The following DOCK9 variants were observed in gnomAD, a reference collection of about 807,000 sequenced individuals.
DOCK9 encodes dedicator of cytokinesis 9.
Under a neutral mutation model 263.3 loss-of-function variants are expected in DOCK9, and 89 were observed. That is an observed-to-expected ratio of 0.34 (90% CI 0.28 to 0.40). The LOEUF (loss-of-function observed/expected upper bound fraction) is 0.40. DOCK9 is among the 10% of genes least tolerant of loss of function. The pLI is 1.00. For missense variants in DOCK9, 2,140 were observed against 2,603.4 expected (o/e 0.82, Z 3.87); for synonymous variants, 976 against 973.1 (o/e 1.00, Z -0.06).
intron 1 of DOCK9, among the ~76,000 whole-genome samples, chr13:99,069,679 A>G (rs1381755336): frequency 6.6e-6 from 1 of 152,238 alleles, no homozygotes; most frequent in East Asian, 1.9e-4. Context: ...ATGACCACCA[A>G]AGATGACTTT....
At chr13:98,982,178 T>G (rs1461269062), upstream of DOCK9, among the ~76,000 whole-genome samples, 2 of 152,190 alleles carry the variant, frequency 1.3e-5, no homozygotes. Context: ...GTACACAAAT[T>G]TATTATACAG....
At chr13:99,088,295 G>A (rs2042392514), upstream of DOCK9, 1 of 152,238 alleles carries the variant, frequency 6.6e-6, no homozygotes, top group Admixed American at 6.5e-5. Flanking sequence ...GACCTCTTCT[G>A]TCCTAAGAGT....
chr13:98,815,839 C>T (rs1204527119), intron 45 of DOCK9, among the ~76,000 whole-genome samples: 1 of 152,136 alleles, frequency 6.6e-6, no homozygotes, highest in Non-Finnish European at 1.5e-5. Flanking sequence ...CCATGGTCCA[C>T]ACAGTAGATG....
rs528892324 is a variant in DOCK9, at chr13:98,797,287, G to A, written c.6018-34C>T. 37 of 1,613,108 alleles carry A rather than the reference G, an allele frequency of 2.3e-5. No individual in the cohort carries two copies. The South Asian group carries it at 2.3e-4, about 10-fold the overall frequency. On this transcript the variant is annotated intron_variant, in intron 51 of 52. Transcript: ENST00000682017. ...GTACAGGCGGGAGAAACAAAGGCACGCAGAGGATAAGGCATGAGTCCAACC... is the reference window on the plus strand; with the variant it reads ...GTACAGGCGGGAGAAACAAAGGCACACAGAGGATAAGGCATGAGTCCAACC...
At chr13:98,869,640 T>G (rs2094137545) in intron 27 of DOCK9, among the ~76,000 whole-genome samples, 1 of 152,246 alleles carries the variant, frequency 6.6e-6, no homozygotes. Context: ...CACTAAAAAG[T>G]ACTAACTGAC....
At position 98,888,211 on chromosome 13, in the gene DOCK9, C is replaced by T; in HGVS notation, c.1990G>A (p.Ala664Thr). 6.2e-7 allele frequency: 1 copy of T among 1,610,478 alleles called. No individual in the cohort carries two copies. The highest frequency in any genetic ancestry group is 1.7e-4 in the Middle Eastern group (1 of 6,056). ...GAATCTTTGAATTCAATGCAAATCG[C>T]AATATTTCTAGCCTGCAGCAATAAA... ...QKSFAKARNI[A>T]ICIEFKDSDE... Residue 664 changes from alanine to threonine, a missense_variant, in exon 18 of 53, where the codon GCG (alanine) becomes ACG (threonine). Around this residue, in one of 2 missense-constraint regions of DOCK9, gnomAD observed 1,521 missense variants for 1,741.7 expected, o/e 0.87. Transcript: ENST00000682017.
At chr13:98,833,667 T>C (rs1357852978) in intron 39 of DOCK9, among the ~76,000 whole-genome samples, 1 of 152,184 alleles carries the variant, frequency 6.6e-6, no homozygotes, top group Non-Finnish European at 1.5e-5. Flanking sequence ...ACCTCAAATA[T>C]ATACAATAAA....
chr13:99,053,870 A>C (rs568699509), intron 1 of DOCK9, among the ~76,000 whole-genome samples: 1 of 152,308 alleles, frequency 6.6e-6, no homozygotes, highest in African/African-American at 2.4e-5. Context: ...CCTACTCCCA[A>C]GAAAACACCA....
chr13:98,978,216 T>C (rs1875805337), upstream of DOCK9: 5 of 786,928 alleles, frequency 6.4e-6, no homozygotes, highest in Non-Finnish European at 7.0e-6. Context: ...ACCGGCTTTA[T>C]TGTGTCTGTT....
chr13:99,010,115 AGCACTTTGCCT>A (rs1436182221), intron 1 of DOCK9, among the ~76,000 whole-genome samples: 1 of 152,204 alleles, frequency 6.6e-6, no homozygotes, highest in East Asian at 1.9e-4. Context: ...TCTTGTGACA[AGCACTTTGCCT>A]GTATTACTGC....
Position 98,837,580 on chromosome 13 carries a change from G to A in DOCK9, c.4228C>T (p.His1410Tyr), listed in dbSNP as rs1356935065. The change falls in exon 39 of 53, where the codon CAC (histidine) becomes TAC (tyrosine). Residue 1410 changes from histidine to tyrosine, a missense_variant. Physicochemically the swap from His to Tyr is moderately conservative, Grantham distance 83. Coordinates refer to ENST00000682017, the MANE Select transcript of DOCK9 (RefSeq NM_001366683.2). ...ATGTTGGCTTCAAGTAATGACTGGT[G>A]CAGAACATCTGCGTCCGAGTGGCCA... ...SYGHSDADVL[H>Y]QSLLEANIAT... 1.2e-6 allele frequency: 2 copies of A among 1,613,558 alleles called. No homozygotes were observed. The highest frequency in any genetic ancestry group is 1.7e-6 in the Non-Finnish European group (2 of 1,179,712).
intron 1 of DOCK9, among the ~76,000 whole-genome samples, chr13:98,970,833 T>C (rs1468967967): frequency 1.3e-5 from 2 of 152,096 alleles, no homozygotes; most frequent in Non-Finnish European, 2.9e-5. Flanking sequence ...AGGCTGGAGC[T>C]AGGCTGTCTT....
intron 1 of DOCK9, among the ~76,000 whole-genome samples, chr13:98,971,757 A>T (rs2059756256): frequency 6.6e-6 from 1 of 152,026 alleles, no homozygotes; most frequent in Non-Finnish European, 1.5e-5. Context: ...AGATTCTTAG[A>T]CTCTCACCAG....
intron 7 of DOCK9, among the ~76,000 whole-genome samples, chr13:98,918,917 G>A (rs764524770): frequency 3.4e-4 from 52 of 152,104 alleles, no homozygotes; most frequent in Non-Finnish European, 6.6e-4. Flanking sequence ...CCAGACTAGA[G>A]GCCAAAGGAG....
intron 1 of DOCK9, among the ~76,000 whole-genome samples, chr13:99,036,207 C>A (rs750100461): frequency 2.0e-5 from 3 of 152,098 alleles, no homozygotes; most frequent in African/African-American, 7.2e-5. Flanking sequence ...CTGTTACAAA[C>A]GGAATATTTG....
intron 1 of DOCK9, among the ~76,000 whole-genome samples, chr13:99,079,444 T>A (rs1367222744): frequency 6.6e-6 from 1 of 152,188 alleles, no homozygotes; most frequent in Non-Finnish European, 1.5e-5. Flanking sequence ...TCATAGGTGG[T>A]CAATAAATGC....
intron 33 of DOCK9, chr13:98,858,374 CT>C (rs2093759310): frequency 6.6e-6 from 1 of 152,148 alleles, no homozygotes. Context: ...TTTTAAAACT[CT>C]CAGGCACCAT....
At chr13:99,079,715 C>A (rs1271346262) in intron 1 of DOCK9, among the ~76,000 whole-genome samples, 1 of 152,206 alleles carries the variant, frequency 6.6e-6, no homozygotes, top group East Asian at 1.9e-4. Context: ...CCAGGTCCAA[C>A]TGGTTTCTTC....
intron 25 of DOCK9, among the ~76,000 whole-genome samples, chr13:98,881,240 A>G (rs2044706111): frequency 6.6e-6 from 1 of 152,160 alleles, no homozygotes; most frequent in Non-Finnish European, 1.5e-5. Flanking sequence ...AAAAAAAAAA[A>G]GGAAGACAAC....
Sources: gnomAD v4.1 joint callset for allele counts (sites outside exome capture counted in the v4.1 genomes callset) on GRCh38, gnomAD v4.1.1 for gene constraint, gnomAD v4.1.1 regional missense constraint, MANE v1.5 for transcripts, NCBI Gene and HGNC (gene_info 2026-07-23, HGNC 2026-07-21) for gene names.